ZEB1: variants seen among roughly 807,000 people sequenced by gnomAD.
ZEB1 encodes zinc finger E-box binding homeobox 1.
In ZEB1, 21 loss-of-function variants were observed where a neutral mutation model predicts 84.9. The observed-to-expected ratio is 0.25, with a 90% CI of 0.18 to 0.36. The LOEUF (loss-of-function observed/expected upper bound fraction) is 0.36, where lower values mean the gene tolerates loss of function less well. Among genes scored for constraint, ZEB1 ranks in the 10% least tolerant of loss-of-function variants. The pLI, the probability that ZEB1 is intolerant of heterozygous loss-of-function variation, is 1.00. For synonymous variants in ZEB1, 420 were observed against 471.1 expected (o/e 0.89, Z 1.41); for missense variants, 1,104 against 1,330.2 (o/e 0.83, Z 2.65).
rs1414524484 is a variant in ZEB1, at chr10:31,339,121, G to C, written c.58+19829G>C. Among the ~76,000 whole-genome samples the C allele has an allele frequency of 2.0e-5, 3 of 152,240 alleles. No homozygotes were observed. The East Asian group carries it at 5.8e-4, about 29-fold the overall frequency. ...CCCATTCAGACCCACACTCCATTTA[G>C]AGCATTTACTGTAGAAGTTCTTGAG... is the stretch of plus-strand genomic sequence containing the variant. On this transcript the variant is annotated intron_variant, in intron 1 of 8. Coordinates refer to ENST00000424869, the MANE Select transcript of ZEB1 (RefSeq NM_001174096.2).
At chr10:31,400,208 G>A (rs1267983042) in intron 1 of ZEB1, among the ~76,000 whole-genome samples, 3 of 151,928 alleles carry the variant, frequency 2.0e-5, no homozygotes, top group Non-Finnish European at 4.4e-5. Context: ...TTTGTTCACT[G>A]GTCTGTCCTC....
At chr10:31,501,986 A>C (rs967963091) in intron 3 of ZEB1, among the ~76,000 whole-genome samples, 1 of 152,200 alleles carries the variant, frequency 6.6e-6, no homozygotes, top group Admixed American at 6.5e-5. Flanking sequence ...GGTTGCTAAG[A>C]AGGTGACCTT....
chr10:31,350,375 C>G (rs2041108378), intron 1 of ZEB1, among the ~76,000 whole-genome samples: 1 of 152,116 alleles, frequency 6.6e-6, no homozygotes, highest in African/African-American at 2.4e-5. Context: ...TTTCAAGAAG[C>G]AAGTACCTTA....
intron 1 of ZEB1, among the ~76,000 whole-genome samples, chr10:31,343,373 TG>T (rs1195356589): frequency 6.6e-6 from 1 of 152,192 alleles, no homozygotes; most frequent in Non-Finnish European, 1.5e-5. Flanking sequence ...CATTGTAATT[TG>T]TATCCTGAAC....
intron 3 of ZEB1, among the ~76,000 whole-genome samples, chr10:31,498,473 A>G (rs2067604789): frequency 6.6e-6 from 1 of 152,072 alleles, no homozygotes. Flanking sequence ...TAAGGTGTAA[A>G]TAGCTAACAA....
chr10:31,321,782 C>A, intron 1 of ZEB1: 1 of 535,322 alleles, frequency 1.9e-6, no homozygotes, highest in Non-Finnish European at 3.3e-6. Context: ...GAAAAGCGAT[C>A]CTGAAAGATA....
intron 2 of ZEB1, among the ~76,000 whole-genome samples, chr10:31,478,734 T>A (rs1281265331): frequency 1.5e-4 from 23 of 151,962 alleles, no homozygotes; most frequent in Non-Finnish European, 4.4e-5. Flanking sequence ...GAGGCCATTA[T>A]ACTAAGTGAA....
rs553859090 is a variant in ZEB1, at chr10:31,442,776, G to A, written c.59-18261G>A. Among the ~76,000 whole-genome samples, 34 of 152,268 alleles carry A rather than the reference G, an allele frequency of 2.2e-4. No homozygotes were observed. The South Asian group carries it at 5.8e-3, about 26-fold the overall frequency. ...AGAGAAGAGATTGTTTTGAAAAGGA[G>A]AGAGTAATGAATTATGTCAAATGCT... On this transcript the variant is annotated intron_variant, in intron 1 of 8. Transcript: ENST00000424869.
intron 1 of ZEB1, among the ~76,000 whole-genome samples, chr10:31,380,976 GA>G (rs1329910115): frequency 6.6e-6 from 1 of 152,112 alleles, no homozygotes; most frequent in African/African-American, 2.4e-5. Context: ...ATTTTGTGAT[GA>G]AATAACTGTG....
At chr10:31,508,169 A>G (rs2069308743) in intron 4 of ZEB1, among the ~76,000 whole-genome samples, 1 of 152,124 alleles carries the variant, frequency 6.6e-6, no homozygotes, top group Non-Finnish European at 1.5e-5. Flanking sequence ...CTTGGGCCCT[A>G]GCAGTGGTAG....
intron 1 of ZEB1, among the ~76,000 whole-genome samples, chr10:31,440,559 C>A (rs2058811028): frequency 1.3e-5 from 2 of 152,174 alleles, no homozygotes; most frequent in South Asian, 4.2e-4. Flanking sequence ...CTGGCCAGGA[C>A]AATCAGGCAG....
intron 5 of ZEB1, among the ~76,000 whole-genome samples, chr10:31,511,262 G>C (rs2069948272): frequency 6.6e-6 from 1 of 152,118 alleles, no homozygotes; most frequent in African/African-American, 2.4e-5. Flanking sequence ...AAATTGACAA[G>C]AAAGTCAAAT....
intron 1 of ZEB1, among the ~76,000 whole-genome samples, chr10:31,404,636 A>G (rs2052639602): frequency 6.6e-6 from 1 of 152,118 alleles, no homozygotes; most frequent in Non-Finnish European, 1.5e-5. Flanking sequence ...TTTCTTGTAA[A>G]GATTAGGTTA....
chr10:31,438,637 A>AC (rs1244497822), intron 1 of ZEB1, among the ~76,000 whole-genome samples: 2 of 152,184 alleles, frequency 1.3e-5, no homozygotes, highest in Non-Finnish European at 2.9e-5. Flanking sequence ...GGGGCTCAAG[A>AC]CCACCATAGG....
chr10:31,433,933 A>C (rs1448845909), intron 1 of ZEB1, among the ~76,000 whole-genome samples: 1 of 152,214 alleles, frequency 6.6e-6, no homozygotes, highest in Admixed American at 6.5e-5. Flanking sequence ...CCTTGCTGAA[A>C]AGACAATAAT....
chr10:31,338,656 C>T lies in ZEB1; in HGVS notation c.58+19364C>T, dbSNP rs139797621. Among the ~76,000 whole-genome samples the T allele has an allele frequency of 2.8e-4, 42 of 152,232 alleles. No homozygotes were observed. In the East Asian group the frequency reaches 7.1e-3, roughly 26 times the overall value. ...TGTAAAAAGCAATACTGGTAAATTA[C>T]ACACTGCTGGACATTGCTTAGATTT... On this transcript the variant is annotated intron_variant, in intron 1 of 8. Coordinates refer to ENST00000424869, the MANE Select transcript of ZEB1 (RefSeq NM_001174096.2).
At chr10:31,355,127 T>TC (rs1435997856) in intron 1 of ZEB1, 1 of 152,152 alleles carries the variant, frequency 6.6e-6, no homozygotes, top group Non-Finnish European at 1.5e-5. Flanking sequence ...AGTAAATTAT[T>TC]CCTTTTTTTC....
chr10:31,346,683 A>G (rs940063450), intron 1 of ZEB1, among the ~76,000 whole-genome samples: 1 of 152,112 alleles, frequency 6.6e-6, no homozygotes, highest in East Asian at 1.9e-4. Context: ...ATAGAAAAAT[A>G]TCCTGTTAGG....
chr10:31,522,234 C>T (rs2072569732), intron 7 of ZEB1, among the ~76,000 whole-genome samples: 1 of 152,170 alleles, frequency 6.6e-6, no homozygotes, highest in Admixed American at 6.5e-5. Context: ...AATTGAAATA[C>T]TCGCTAATTG....
Sources: allele counts gnomAD v4.1 joint callset (sites outside exome capture counted in the v4.1 genomes callset), GRCh38; gene constraint gnomAD v4.1.1; transcripts MANE v1.5; gene names NCBI Gene and HGNC (gene_info 2026-07-23, HGNC 2026-07-21).